The following COL26A1 variants were observed in gnomAD, a reference collection of about 807,000 sequenced individuals.
The protein encoded by COL26A1 is collagen alpha-1(XXVI) chain.
In COL26A1, 41 loss-of-function variants were observed where a neutral mutation model predicts 59.3. The ratio of observed to expected loss-of-function variants is 0.69; its 90% CI spans 0.54 to 0.90. COL26A1 has a LOEUF of 0.90. Ranked by LOEUF, COL26A1 falls within the 40% of genes least tolerant of loss-of-function variation. COL26A1 has a pLI of 0.00. For missense variants in COL26A1, 612 were observed against 602.3 expected, an observed-to-expected ratio of 1.02 and a Z score of -0.17; for synonymous variants, 266 against 256.0, an observed-to-expected ratio of 1.04 and a Z score of -0.37.
intron 2 of COL26A1, among the ~76,000 whole-genome samples, chr7:101,441,613 C>T (rs904078017): frequency 6.6e-6 from 1 of 152,154 alleles, no homozygotes. Context: ...CCACCGTGCC[C>T]GGCCTATCAT....
chr7:101,524,432 G>A (rs1330276697), intron 3 of COL26A1, among the ~76,000 whole-genome samples: 2 of 152,140 alleles, frequency 1.3e-5, no homozygotes, highest in Non-Finnish European at 2.9e-5. Flanking sequence ...TGTTTCCAGA[G>A]GTATAGACCT....
chr7:101,409,567 GGAAGCTGGAAGTA>G (rs1168835721), intron 1 of COL26A1, among the ~76,000 whole-genome samples: 5 of 151,530 alleles, frequency 3.3e-5, no homozygotes, highest in South Asian at 2.1e-4. Context: ...TCATAGTTCT[GGAAGCTGGAAGTA>G]GAAGCTGGAA....
intron 1 of COL26A1, among the ~76,000 whole-genome samples, chr7:101,385,239 A>G (rs1194404663): frequency 6.8e-6 from 1 of 147,394 alleles, no homozygotes; most frequent in Non-Finnish European, 1.5e-5. Context: ...CACTATATAT[A>G]TATATATATA....
Position 101,473,414 on chromosome 7 carries a change from G to C in COL26A1, c.385+25627G>C, listed in dbSNP as rs116106974. On this transcript the variant is annotated intron_variant, in intron 3 of 12. Transcript: ENST00000313669. ...TTGCTGCCGCTTTTTGGTCTGCTAG[G>C]ACCCCACCCAGAGGAGAACAAACAC... Among the ~76,000 whole-genome samples the C allele has an allele frequency of 7.3e-3, 1,115 of 152,030 alleles. 11 individuals are homozygous for C. Among genetic ancestry groups the C allele is most frequent in the African/African-American group, 0.025 (1,035 of 41,472 alleles).
At chr7:101,423,747 G>A (rs1259475176) in intron 2 of COL26A1, among the ~76,000 whole-genome samples, 1 of 150,916 alleles carries the variant, frequency 6.6e-6, no homozygotes, top group Non-Finnish European at 1.5e-5. Context: ...AAAAAAAGAA[G>A]GACCGGGGTC....
intron 1 of COL26A1, among the ~76,000 whole-genome samples, chr7:101,399,387 G>C (rs143971924): frequency 8.3e-4 from 126 of 152,056 alleles, no homozygotes; most frequent in Non-Finnish European, 1.4e-3. Flanking sequence ...TCTGAAGCAC[G>C]ATCTCAGCTC....
intron 7 of COL26A1, among the ~76,000 whole-genome samples, chr7:101,546,467 G>T (rs1170939285): frequency 6.6e-6 from 1 of 151,146 alleles, no homozygotes; most frequent in African/African-American, 2.4e-5. Flanking sequence ...CTGGAGATGT[G>T]GTCTCACTAT....
At chr7:101,485,989 A>G (rs1463526353) in intron 3 of COL26A1, among the ~76,000 whole-genome samples, 2 of 152,080 alleles carry the variant, frequency 1.3e-5, no homozygotes, top group Non-Finnish European at 2.9e-5. Flanking sequence ...CCTGGACAAC[A>G]TGGTGAAACC....
At chr7:101,413,388 G>A (rs930845942) in intron 1 of COL26A1, among the ~76,000 whole-genome samples, 5 of 152,008 alleles carry the variant, frequency 3.3e-5, no homozygotes, top group South Asian at 2.1e-4. Flanking sequence ...GTATGGTGGC[G>A]GGTGACTGTA....
chr7:101,381,413 T>G (rs1206203182), intron 1 of COL26A1, among the ~76,000 whole-genome samples: 1 of 152,178 alleles, frequency 6.6e-6, no homozygotes, highest in East Asian at 1.9e-4. Context: ...CTTAATTTAA[T>G]CATCAAGTCC....
intron 1 of COL26A1, among the ~76,000 whole-genome samples, chr7:101,401,996 A>C (rs929621880): frequency 6.6e-6 from 1 of 152,168 alleles, no homozygotes; most frequent in Admixed American, 6.5e-5. Flanking sequence ...ATGATCCAAC[A>C]TAAAAGGCAG....
chr7:101,518,690 G>A (rs944154333), intron 3 of COL26A1, among the ~76,000 whole-genome samples: 1 of 152,188 alleles, frequency 6.6e-6, no homozygotes, highest in Non-Finnish European at 1.5e-5. Flanking sequence ...CCCAAGAGAA[G>A]CAATTGAATC....
chr7:101,551,426 G>A (rs1795860433), intron 10 of COL26A1, among the ~76,000 whole-genome samples: 1 of 152,184 alleles, frequency 6.6e-6, no homozygotes. Context: ...TGTGTGGCCT[G>A]GGGCCATAGG....
chr7:101,449,495 A>G (rs184546358), intron 3 of COL26A1, among the ~76,000 whole-genome samples: 1 of 152,350 alleles, frequency 6.6e-6, no homozygotes, highest in East Asian at 1.9e-4. Flanking sequence ...TTAGCCGGGA[A>G]TGGTGGCTTA....
intron 1 of COL26A1, among the ~76,000 whole-genome samples, chr7:101,400,196 G>A (rs528989248): frequency 2.6e-4 from 39 of 152,158 alleles, no homozygotes; most frequent in South Asian, 1.9e-3. Context: ...GACTTTGGTG[G>A]GCTAAAGGCC....
chr7:101,389,264 A>G (rs909542840), intron 1 of COL26A1, among the ~76,000 whole-genome samples: 4 of 151,542 alleles, frequency 2.6e-5, no homozygotes, highest in Non-Finnish European at 5.9e-5. Context: ...AGAAATTTCT[A>G]TTATTAAGCT....
At chr7:101,470,127 C>T (rs1448254510) in intron 3 of COL26A1, among the ~76,000 whole-genome samples, 1 of 147,390 alleles carries the variant, frequency 6.8e-6, no homozygotes, top group Non-Finnish European at 1.5e-5. Context: ...TTTTTCGAGA[C>T]AGAGTCTGGC....
At chr7:101,458,577 T>A (rs1793533288) in intron 3 of COL26A1, among the ~76,000 whole-genome samples, 1 of 151,874 alleles carries the variant, frequency 6.6e-6, no homozygotes, top group African/African-American at 2.4e-5. Flanking sequence ...GTTAGAGTGA[T>A]CTAAGTGAGC....
intron 12 of COL26A1, 138 bp downstream of exon 12, chr7:101,556,009 A>T (rs1795968274): frequency 4.4e-6 from 3 of 684,352 alleles, no homozygotes; most frequent in Non-Finnish European, 7.4e-6. Context: ...CCCCTGCTCA[A>T]GGACCCTCAG....
Sources: allele counts gnomAD v4.1 joint callset (sites outside exome capture counted in the v4.1 genomes callset), GRCh38; gene constraint gnomAD v4.1.1; transcripts MANE v1.5; gene names NCBI Gene and HGNC (gene_info 2026-07-23, HGNC 2026-07-21).